The following MAGI1 variants were observed in gnomAD, a reference collection of about 807,000 sequenced individuals.
The protein encoded by MAGI1 is membrane associated guanylate kinase, WW and PDZ domain containing 1.
Under a neutral mutation model 139.9 loss-of-function variants are expected in MAGI1, and 58 were observed. The ratio of observed to expected loss-of-function variants is 0.41; its 90% CI spans 0.34 to 0.52. The LOEUF is 0.52. Among genes scored for constraint, MAGI1 ranks in the 20% least tolerant of loss-of-function variants. MAGI1 has a pLI of 0.12. For synonymous variants in MAGI1, 812 were observed against 737.9 expected (o/e 1.10, Z -1.63); for missense variants, 1,874 against 1,901.6 (o/e 0.99, Z 0.27).
At chr3:65,936,175 A>T (rs1015239248) in intron 1 of MAGI1, among the ~76,000 whole-genome samples, 1 of 152,246 alleles carries the variant, frequency 6.6e-6, no homozygotes, top group African/African-American at 2.4e-5. Context: ...ACAGACTGAC[A>T]TAATCCATTA....
At chr3:65,509,149 T>C (rs1160170374) in intron 2 of MAGI1, among the ~76,000 whole-genome samples, 3 of 141,562 alleles carry the variant, frequency 2.1e-5, no homozygotes, top group South Asian at 2.5e-4. Context: ...ATTGAAGCTA[T>C]TGCCTTGGCC....
chr3:65,562,475 T>C (rs1484577630), intron 2 of MAGI1, among the ~76,000 whole-genome samples: 1 of 152,212 alleles, frequency 6.6e-6, no homozygotes, highest in African/African-American at 2.4e-5. Context: ...TTATGCTTTG[T>C]TCTTTGTTGT....
chr3:65,645,833 T>C (rs1317823992), intron 1 of MAGI1, among the ~76,000 whole-genome samples: 3 of 152,082 alleles, frequency 2.0e-5, no homozygotes, highest in Non-Finnish European at 4.4e-5. Flanking sequence ...CTTTTGAGTA[T>C]ATCTATTTTT....
At chr3:65,870,215 C>T (rs1323238223) in intron 1 of MAGI1, among the ~76,000 whole-genome samples, 1 of 151,920 alleles carries the variant, frequency 6.6e-6, no homozygotes. Context: ...TAATAGGCTG[C>T]CTGAGCACTG....
At chr3:65,918,412 C>T (rs2062012326) in intron 1 of MAGI1, among the ~76,000 whole-genome samples, 3 of 132,538 alleles carry the variant, frequency 2.3e-5, no homozygotes, top group Admixed American at 1.7e-4. Flanking sequence ...GACGGAGTCT[C>T]GCTCTGTCAC....
At chr3:65,366,479 T>C (rs1410846820) in intron 18 of MAGI1, among the ~76,000 whole-genome samples, 1 of 152,206 alleles carries the variant, frequency 6.6e-6, no homozygotes, top group African/African-American at 2.4e-5. Flanking sequence ...GAGTCTTTAC[T>C]ACACCAATAT....
chr3:65,524,304 A>T (rs1016917792), intron 2 of MAGI1, among the ~76,000 whole-genome samples: 2 of 152,180 alleles, frequency 1.3e-5, no homozygotes, highest in Non-Finnish European at 2.9e-5. Context: ...GAGAAGAAAA[A>T]CAATTGCCAT....
At chr3:65,486,955 CT>C (rs1454292405) in intron 3 of MAGI1, among the ~76,000 whole-genome samples, 2 of 152,204 alleles carry the variant, frequency 1.3e-5, no homozygotes, top group East Asian at 3.8e-4. Flanking sequence ...CATCATCTGT[CT>C]TTTCTACCTC....
At chr3:65,896,898 C>A (rs1484807762) in intron 1 of MAGI1, among the ~76,000 whole-genome samples, 1 of 152,124 alleles carries the variant, frequency 6.6e-6, no homozygotes, top group Non-Finnish European at 1.5e-5. Context: ...TACACCTACA[C>A]ATAATACAAC....
chr3:65,388,686 G>A (rs534828659), intron 14 of MAGI1, among the ~76,000 whole-genome samples: 3 of 152,084 alleles, frequency 2.0e-5, no homozygotes, highest in Admixed American at 2.0e-4. Flanking sequence ...AAATCCATGT[G>A]AATGTTAACA....
intron 2 of MAGI1, among the ~76,000 whole-genome samples, chr3:65,525,186 C>T (rs993110571): frequency 2.0e-5 from 3 of 152,150 alleles, no homozygotes; most frequent in Admixed American, 6.5e-5. Flanking sequence ...GACTGCCAGA[C>T]ACTACTATCC....
In MAGI1 at chr3:65,493,740, A is replaced by C; in HGVS notation, c.431-109T>G. ...TGTTCAGTAAGAGGGCGTACCTAAG[A>C]CTCTGCTGCCTCATCTGTCCAGACA... On this transcript the variant is annotated intron_variant, in intron 2 of 22. Coordinates refer to ENST00000402939, the MANE Select transcript of MAGI1 (RefSeq NM_001033057.2). The C allele has an allele frequency of 4.8e-6, 6 of 1,262,848 alleles. No homozygotes were observed. The South Asian group carries it at 8.0e-5, about 17-fold the overall frequency. 78.2% of individuals were successfully genotyped at this position (1,262,848 alleles called of 1,614,324 possible).
chr3:65,732,030 C>G (rs2034247759), intron 1 of MAGI1, among the ~76,000 whole-genome samples: 1 of 152,122 alleles, frequency 6.6e-6, no homozygotes, highest in Non-Finnish European at 1.5e-5. Context: ...GAATATTTTT[C>G]CCCTTTAAAT....
At chr3:65,382,946 A>C (rs1943172040) in intron 15 of MAGI1, among the ~76,000 whole-genome samples, 1 of 152,194 alleles carries the variant, frequency 6.6e-6, no homozygotes, top group Non-Finnish European at 1.5e-5. Context: ...AATTAACGAT[A>C]CCTATTTCAG....
At chr3:65,423,036 G>A (rs1236489067) in intron 12 of MAGI1, among the ~76,000 whole-genome samples, 1 of 152,160 alleles carries the variant, frequency 6.6e-6, no homozygotes, top group East Asian at 1.9e-4. Context: ...TACAATGGGT[G>A]GTAAAGGCCA....
At chr3:65,424,713 T>C (rs1004664544) in intron 12 of MAGI1, among the ~76,000 whole-genome samples, 2 of 152,166 alleles carry the variant, frequency 1.3e-5, no homozygotes, top group Admixed American at 1.3e-4. Flanking sequence ...AAAACAGACT[T>C]TAAAAGTTGA....
intron 1 of MAGI1, among the ~76,000 whole-genome samples, chr3:65,942,548 A>T (rs2063361459): frequency 6.6e-6 from 1 of 152,074 alleles, no homozygotes; most frequent in Non-Finnish European, 1.5e-5. Flanking sequence ...TCTAACTACC[A>T]CTGTTAAATA....
At chr3:65,530,367 G>A (rs2078586860) in intron 2 of MAGI1, among the ~76,000 whole-genome samples, 1 of 151,942 alleles carries the variant, frequency 6.6e-6, no homozygotes, top group Admixed American at 6.6e-5. Flanking sequence ...AAAAATATAG[G>A]TTTGGAGAGG....
Position 66,038,221 on chromosome 3 carries a change from C to A in MAGI1, c.88G>T (p.Val30Leu). The change falls in exon 1 of 23, where the codon GTG (valine) becomes TTG (leucine). Residue 30 changes from valine (V) to leucine (L), a missense_variant. Val to Leu is a conservative substitution (Grantham distance 32). Coordinates refer to ENST00000402939, the MANE Select transcript of MAGI1 (RefSeq NM_001033057.2). ...VKRGPQGELG[V>L]TVLGGAEHGE... ...TGCTCCGCGCCTCCCAGCACCGTCA[C>A]CCCCAGCTCGCCCTGGGGTCCCCGC... The A allele has an allele frequency of 1.2e-6, 2 of 1,611,912 alleles. No homozygotes were observed. The highest frequency in any genetic ancestry group is 4.5e-5 in the East Asian group (2 of 44,820).
Sources: allele counts gnomAD v4.1 joint callset (sites outside exome capture counted in the v4.1 genomes callset), GRCh38; gene constraint gnomAD v4.1.1; transcripts MANE v1.5; gene names NCBI Gene and HGNC (gene_info 2026-07-23, HGNC 2026-07-21).